Variants in KMT2C observed in about 807,000 individuals in gnomAD.
KMT2C encodes the protein lysine methyltransferase 2C.
KMT2C carries 88 observed loss-of-function variants against 507.9 expected under a neutral mutation model. The observed-to-expected ratio is 0.17, with a 90% confidence interval of 0.15 to 0.21. KMT2C has a LOEUF of 0.21. Among genes scored for constraint, KMT2C ranks in the 10% least tolerant of loss-of-function variants. The pLI, the probability that KMT2C is intolerant of heterozygous loss-of-function variation, is 1.00. For synonymous variants in KMT2C, 2,049 were observed against 2,080.8 expected, an observed-to-expected ratio of 0.98 and a Z score of 0.42; for missense variants, 4,954 against 5,957.8, an observed-to-expected ratio of 0.83 and a Z score of 5.55.
chr7:152,209,449 C>A (rs984146364), intron 23 of KMT2C, among the ~76,000 whole-genome samples: 1 of 123,176 alleles, frequency 8.1e-6, no homozygotes, highest in Admixed American at 8.4e-5. Flanking sequence ...AGCGGGACTC[C>A]GTCTCAAAAA....
chr7:152,374,985 A>G (rs2129243805), intron 1 of KMT2C, among the ~76,000 whole-genome samples: 1 of 152,356 alleles, frequency 6.6e-6, no homozygotes, highest in African/African-American at 2.4e-5. Context: ...TCAAACATTA[A>G]GAGGAATATC....
intron 6 of KMT2C, among the ~76,000 whole-genome samples, chr7:152,308,375 A>G (rs1349665262): frequency 6.6e-6 from 1 of 151,924 alleles, no homozygotes; most frequent in Non-Finnish European, 1.5e-5. Flanking sequence ...TCCCAAATAT[A>G]CTTGTTAAAA....
intron 39 of KMT2C, among the ~76,000 whole-genome samples, chr7:152,173,903 C>T (rs569806583): frequency 6.6e-6 from 1 of 152,320 alleles, no homozygotes; most frequent in East Asian, 1.9e-4. Flanking sequence ...AGATGTTTTA[C>T]ATTTACCATC....
rs187735389 is a variant in KMT2C, at chr7:152,295,699, G to A, written c.849+14267C>T. Among the ~76,000 whole-genome samples, 72 of 152,186 alleles carry A rather than the reference G, an allele frequency of 4.7e-4. No individual in the cohort carries two copies. In the East Asian group the frequency reaches 0.013, roughly 27 times the overall value. On this transcript the variant is annotated intron_variant, in intron 6 of 58. Coordinates refer to ENST00000262189, the MANE Select transcript of KMT2C (RefSeq NM_170606.3). Reference sequence around the variant, plus strand: ...CTAAGCAGAAACATGCTTCAGAGGGGCTAAATACTCTCCCCAGCCTCAGAG... The same window carrying A: ...CTAAGCAGAAACATGCTTCAGAGGGACTAAATACTCTCCCCAGCCTCAGAG...
intron 38 of KMT2C, 117 bp downstream of exon 38, chr7:152,176,074 A>G: frequency 9.3e-7 from 1 of 1,074,516 alleles, no homozygotes. Flanking sequence ...TCAAGGAGGA[A>G]TAGAAAAACT....
chr7:152,410,753 T>C (rs966917684), intron 1 of KMT2C, among the ~76,000 whole-genome samples: 2 of 151,682 alleles, frequency 1.3e-5, no homozygotes, highest in African/African-American at 4.8e-5. Context: ...TCCCAGCATT[T>C]TGGGAGGTTG....
chr7:152,356,222 A>C (rs1393372630), intron 2 of KMT2C, among the ~76,000 whole-genome samples: 1 of 152,196 alleles, frequency 6.6e-6, no homozygotes, highest in Non-Finnish European at 1.5e-5. Context: ...AAGAATCAAA[A>C]ATGAGAAGGG....
At chr7:152,271,657 G>A (rs2095974060) in intron 7 of KMT2C, among the ~76,000 whole-genome samples, 2 of 137,158 alleles carry the variant, frequency 1.5e-5, no homozygotes, top group East Asian at 4.4e-4. Flanking sequence ...CAGAGTGACA[G>A]TGCGAGACTC....
intron 2 of KMT2C, among the ~76,000 whole-genome samples, chr7:152,353,500 T>A (rs1173610694): frequency 6.6e-6 from 1 of 152,140 alleles, no homozygotes; most frequent in African/African-American, 2.4e-5. Flanking sequence ...TTAGCATTCT[T>A]TTCTTTTTTC....
At chr7:152,391,541 G>GC (rs2097498250) in intron 1 of KMT2C, among the ~76,000 whole-genome samples, 1 of 110,860 alleles carries the variant, frequency 9.0e-6, no homozygotes, top group East Asian at 2.3e-4. Flanking sequence ...TGCATGCCCG[G>GC]CCTTTTTTTT....
At chr7:152,260,104 G>A (rs1027395747) in intron 9 of KMT2C, among the ~76,000 whole-genome samples, 1 of 152,090 alleles carries the variant, frequency 6.6e-6, no homozygotes, top group African/African-American at 2.4e-5. Context: ...ACTGACTTAG[G>A]GAAGTTAAAC....
At chr7:152,397,772 G>C (rs1427309310) in intron 1 of KMT2C, among the ~76,000 whole-genome samples, 2 of 152,096 alleles carry the variant, frequency 1.3e-5, no homozygotes, top group Non-Finnish European at 1.5e-5. Context: ...TGATAGTTTT[G>C]TAAGAGGAAA....
intron 18 of KMT2C, among the ~76,000 whole-genome samples, chr7:152,226,611 T>G (rs2094941995): frequency 6.6e-6 from 1 of 152,148 alleles, no homozygotes; most frequent in Admixed American, 6.5e-5. Context: ...TTTTAAGAAT[T>G]TGTCTTAGAT....
At chr7:152,429,721 A>C (rs1381600683) in intron 1 of KMT2C, among the ~76,000 whole-genome samples, 1 of 151,242 alleles carries the variant, frequency 6.6e-6, no homozygotes, top group Non-Finnish European at 1.5e-5. Context: ...GGGTTTCACC[A>C]TATTGGCCAG....
At chr7:152,159,389 C>T (rs2092308374) in intron 43 of KMT2C, among the ~76,000 whole-genome samples, 1 of 152,176 alleles carries the variant, frequency 6.6e-6, no homozygotes, top group Admixed American at 6.5e-5. Context: ...CTTATTCCTG[C>T]TTACTTACTG....
chr7:152,164,415 G>A (rs377171009), intron 42 of KMT2C, among the ~76,000 whole-genome samples: 11 of 150,878 alleles, frequency 7.3e-5, no homozygotes, highest in African/African-American at 2.2e-4. Flanking sequence ...TCAGCCTCCC[G>A]AGTAGCTGGG....
intron 4 of KMT2C, among the ~76,000 whole-genome samples, chr7:152,314,712 A>C (rs962633328): frequency 6.6e-6 from 1 of 152,168 alleles, no homozygotes; most frequent in East Asian, 1.9e-4. Flanking sequence ...GTGAAAACCA[A>C]TTCTGGATTT....
chr7:152,384,551 C>A (rs866593416), intron 1 of KMT2C, among the ~76,000 whole-genome samples: 3 of 32,324 alleles, frequency 9.3e-5, no homozygotes, highest in Non-Finnish European at 1.9e-4. Context: ...GTGCATAACA[C>A]CACCACCACC....
At chr7:152,348,599 T>TAAAAAAAAAAAAAAAA (rs201530125) in intron 2 of KMT2C, among the ~76,000 whole-genome samples, 1 of 48,992 alleles carries the variant, frequency 2.0e-5, no homozygotes, top group African/African-American at 6.0e-5. Flanking sequence ...AACTCTGTCT[T>TAAAAAAAAAAAAAAAA]AAAAAAAAAA....
Sources: gnomAD v4.1 joint callset for allele counts (sites outside exome capture counted in the v4.1 genomes callset) on GRCh38, gnomAD v4.1.1 for gene constraint, MANE v1.5 for transcripts, NCBI Gene and HGNC (gene_info 2026-07-23, HGNC 2026-07-21) for gene names.